RANBP2: variants seen among roughly 807,000 people sequenced by gnomAD.
The protein encoded by RANBP2 is RAN binding protein 2, also known as E3 SUMO-protein ligase RanBP2.
Under a neutral mutation model 303.6 loss-of-function variants are expected in RANBP2, and 57 were observed. That is an observed-to-expected ratio of 0.19 (90% CI 0.15 to 0.23). The LOEUF (loss-of-function observed/expected upper bound fraction) is 0.23. RANBP2 is among the 10% of genes least tolerant of loss of function. The pLI, the probability that RANBP2 is intolerant of heterozygous loss-of-function variation, is 1.00. For missense variants in RANBP2, 3,138 were observed against 3,780.8 expected (o/e 0.83, Z 4.46); for synonymous variants, 1,167 against 1,301.5 (o/e 0.90, Z 2.23).
At chr2:108,912,756 C>T in the RANBP2 span, 5 of 1,594,368 alleles carry the variant, frequency 3.1e-6, no homozygotes, top group Non-Finnish European at 2.6e-6. Context: ...CCTGAAGTGG[C>T]TCCCACACCT....
chr2:109,168,861 A>G, the RANBP2 span, among the ~76,000 whole-genome samples: 4 of 152,238 alleles, frequency 2.6e-5, no homozygotes, highest in Admixed American at 6.5e-5. Flanking sequence ...CTTTGGAAAC[A>G]AATGAATGGA....
chr2:109,453,117 A>G, the RANBP2 span, among the ~76,000 whole-genome samples: 1 of 152,138 alleles, frequency 6.6e-6, no homozygotes, highest in East Asian at 1.9e-4. Context: ...TGGGGATAAT[A>G]CAAGTGCAGA....
At chr2:108,900,177 A>T in the RANBP2 span, among the ~76,000 whole-genome samples, 1 of 152,382 alleles carries the variant, frequency 6.6e-6, no homozygotes, top group Non-Finnish European at 1.5e-5. Context: ...ACAGAAATGA[A>T]AAACAGAGAC....
chr2:109,639,456 T>G, the RANBP2 span, among the ~76,000 whole-genome samples: 1 of 151,764 alleles, frequency 6.6e-6, no homozygotes. Context: ...CCGTCTCTAC[T>G]AAAAATACAA....
At chr2:109,014,531 G>T in the RANBP2 span, among the ~76,000 whole-genome samples, 1 of 152,206 alleles carries the variant, frequency 6.6e-6, no homozygotes, top group Non-Finnish European at 1.5e-5. Context: ...TACAACCAAG[G>T]TCTCACTGGT....
the RANBP2 span, among the ~76,000 whole-genome samples, chr2:109,535,141 G>A: frequency 4.6e-5 from 7 of 152,230 alleles, no homozygotes; most frequent in South Asian, 2.1e-4. Context: ...GGTCAGAAGC[G>A]TGGAGAGAGA....
chr2:109,069,585 C>T, the RANBP2 span, among the ~76,000 whole-genome samples: 2 of 152,250 alleles, frequency 1.3e-5, no homozygotes, highest in Non-Finnish European at 2.9e-5. Context: ...CCTGGCCAGC[C>T]ACCTGAGACA....
the RANBP2 span, among the ~76,000 whole-genome samples, chr2:109,634,564 A>T: frequency 6.6e-6 from 1 of 152,178 alleles, no homozygotes; most frequent in Non-Finnish European, 1.5e-5. Context: ...AAAAATGGAG[A>T]TAGTTTGCCT....
chr2:109,264,336 C>T, the RANBP2 span, among the ~76,000 whole-genome samples: 862 of 148,414 alleles, frequency 5.8e-3, 4 homozygotes, highest in South Asian at 0.016. Context: ...CGTTCACCTC[C>T]CCAGGATCCA....
chr2:109,250,898 G>A, the RANBP2 span, among the ~76,000 whole-genome samples: 1 of 151,936 alleles, frequency 6.6e-6, no homozygotes, highest in Non-Finnish European at 1.5e-5. Flanking sequence ...ATCCAAAAAA[G>A]TGAAACCATT....
the RANBP2 span, among the ~76,000 whole-genome samples, chr2:109,063,962 T>G: frequency 6.6e-6 from 1 of 152,172 alleles, no homozygotes; most frequent in African/African-American, 2.4e-5. Context: ...GGCTATAAAA[T>G]GGCTGCCACA....
chr2:109,107,463 T>C, the RANBP2 span, among the ~76,000 whole-genome samples: 1 of 152,168 alleles, frequency 6.6e-6, no homozygotes, highest in South Asian at 2.1e-4. Context: ...TCTCTGGTCT[T>C]GTTGCTTCCG....
At chr2:108,770,320 TGTTA>T (rs998679140) in intron 20 of RANBP2, among the ~76,000 whole-genome samples, 78 of 152,368 alleles carry the variant, frequency 5.1e-4, no homozygotes, top group African/African-American at 1.7e-3. Context: ...TACGGTGTAC[TGTTA>T]TTTCTCCTAG....
chr2:109,649,877 T>A, the RANBP2 span, among the ~76,000 whole-genome samples: 1 of 152,226 alleles, frequency 6.6e-6, no homozygotes, highest in South Asian at 2.1e-4. Flanking sequence ...AGAAAAACAT[T>A]GGCTACTTCT....
the RANBP2 span, among the ~76,000 whole-genome samples, chr2:108,948,238 G>C: frequency 6.6e-6 from 1 of 152,154 alleles, no homozygotes; most frequent in Admixed American, 6.5e-5. Flanking sequence ...GACCACCTAA[G>C]CCTGGACTTC....
chr2:109,661,233 A>T, the RANBP2 span, among the ~76,000 whole-genome samples: 1 of 135,832 alleles, frequency 7.4e-6, no homozygotes, highest in African/African-American at 2.7e-5. Flanking sequence ...ATGAGGGAGC[A>T]TTAGTAGAAG....
chr2:109,417,456 C>T, the RANBP2 span, among the ~76,000 whole-genome samples: 1 of 152,278 alleles, frequency 6.6e-6, no homozygotes, highest in South Asian at 2.1e-4. Context: ...GGAAGGAATG[C>T]CCCCTTCCAG....
At chr2:109,357,911 A>G in the RANBP2 span, among the ~76,000 whole-genome samples, 1 of 152,220 alleles carries the variant, frequency 6.6e-6, no homozygotes, top group African/African-American at 2.4e-5. Context: ...CAATGAGCCT[A>G]TATTGACAAA....
At chr2:108,721,674 T>C (rs1389739943) in intron 1 of RANBP2, among the ~76,000 whole-genome samples, 1 of 152,174 alleles carries the variant, frequency 6.6e-6, no homozygotes, top group African/African-American at 2.4e-5. Context: ...CTTGAACTCC[T>C]GGGCTCAAGT....
Sources: gnomAD v4.1 joint callset for allele counts (sites outside exome capture counted in the v4.1 genomes callset) on GRCh38, gnomAD v4.1.1 for gene constraint, MANE v1.5 for transcripts, NCBI Gene and HGNC (gene_info 2026-07-23, HGNC 2026-07-21) for gene names.